The following JAK1 variants were observed in gnomAD, a reference collection of about 807,000 sequenced individuals.
The protein encoded by JAK1 is tyrosine-protein kinase JAK1.
A neutral mutation model predicts 136.6 loss-of-function variants in JAK1; 16 were observed. That is an observed-to-expected ratio of 0.12 (90% CI 0.08 to 0.18). The LOEUF (loss-of-function observed/expected upper bound fraction) is 0.18, where lower values mean the gene tolerates loss of function less well. Among genes scored for constraint, JAK1 ranks in the 10% least tolerant of loss-of-function variants. The pLI, the probability that JAK1 is intolerant of heterozygous loss-of-function variation, is 1.00. For missense variants in JAK1, 859 were observed against 1,450.1 expected, an observed-to-expected ratio of 0.59 and a Z score of 6.62; for synonymous variants, 492 against 519.5, an observed-to-expected ratio of 0.95 and a Z score of 0.72.
intron 17 of JAK1, among the ~76,000 whole-genome samples, chr1:64,842,490 G>A (rs1654968946): frequency 6.6e-6 from 1 of 152,158 alleles, no homozygotes; most frequent in Non-Finnish European, 1.5e-5. Flanking sequence ...CCAGAGGACA[G>A]GGAGGAGGGA....
At chr1:65,041,029 C>A (rs1435507649) in intron 2 of JAK1, among the ~76,000 whole-genome samples, 7 of 152,120 alleles carry the variant, frequency 4.6e-5, no homozygotes, top group Admixed American at 3.9e-4. Context: ...TGGGTATCAT[C>A]ACGGAAAAAG....
At chr1:64,950,985 A>G (rs1291114551) in intron 1 of JAK1, among the ~76,000 whole-genome samples, 1 of 152,216 alleles carries the variant, frequency 6.6e-6, no homozygotes, top group East Asian at 1.9e-4. Flanking sequence ...ACACCTCTTA[A>G]AAGTATTACA....
intron 24 of JAK1, 76 bp downstream of exon 24, chr1:64,835,319 AC>A (rs1179743822): frequency 1.1e-5 from 8 of 728,972 alleles, no homozygotes; most frequent in Non-Finnish European, 1.9e-5. Context: ...TCTCCCCTCT[AC>A]CCATTGCTGG....
intron 1 of JAK1, among the ~76,000 whole-genome samples, chr1:65,048,859 C>CA (rs1473501282): frequency 5.6e-4 from 86 of 152,344 alleles, no homozygotes; most frequent in African/African-American, 1.9e-3. Flanking sequence ...ATGGGAGCAG[C>CA]TGTACGAGGA....
rs779405769 is a variant in JAK1 at position 64,836,070 on chromosome 1, T to C, written c.3258+28A>G. On this transcript the variant is annotated intron_variant, in intron 23 of 24. Coordinates refer to ENST00000342505, the MANE Select transcript of JAK1 (RefSeq NM_002227.4). ...GGACACATTTTAAATGGGTACTGGATTCAAATGAAGAGAAAAGTAGGACTT... is the reference window on the plus strand; with the variant it reads ...GGACACATTTTAAATGGGTACTGGACTCAAATGAAGAGAAAAGTAGGACTT... 16 of 1,285,856 alleles carry C rather than the reference T, an allele frequency of 1.2e-5. No individual in the cohort carries two copies. In the East Asian group the frequency reaches 3.5e-4, roughly 28 times the overall value. 79.7% of individuals were successfully genotyped at this position (1,285,856 alleles called of 1,614,324 possible). A position where few individuals can be genotyped will look rare whatever the true frequency, so the allele number is the denominator to read the frequency against.
At chr1:64,934,534 T>A (rs570236546) in intron 1 of JAK1, among the ~76,000 whole-genome samples, 1 of 152,258 alleles carries the variant, frequency 6.6e-6, no homozygotes, top group Admixed American at 6.5e-5. Flanking sequence ...CATTACGAAA[T>A]GAGAGGGGCG....
intron 1 of JAK1, among the ~76,000 whole-genome samples, chr1:64,914,029 C>G (rs1486664586): frequency 6.6e-6 from 1 of 152,212 alleles, no homozygotes; most frequent in East Asian, 1.9e-4. Flanking sequence ...CGTGGTCAAC[C>G]CTCTAGACCA....
intron 2 of JAK1, among the ~76,000 whole-genome samples, chr1:65,006,405 T>C (rs1256650126): frequency 2.0e-5 from 3 of 152,230 alleles, no homozygotes; most frequent in African/African-American, 7.2e-5. Flanking sequence ...TTGCCCAGGC[T>C]GGAGTGCAGT....
chr1:64,940,556 A>G (rs748904583), intron 1 of JAK1, among the ~76,000 whole-genome samples: 25 of 152,046 alleles, frequency 1.6e-4, no homozygotes, highest in Non-Finnish European at 3.4e-4. Flanking sequence ...GGCTCAAGTG[A>G]TCTGCCCACC....
At chr1:64,994,615 A>C (rs905617671) in intron 2 of JAK1, among the ~76,000 whole-genome samples, 12 of 152,086 alleles carry the variant, frequency 7.9e-5, no homozygotes, top group African/African-American at 2.9e-4. Context: ...CTTGACCCAA[A>C]CACCTCTGAT....
chr1:64,895,057 C>A (rs958549647), intron 1 of JAK1, among the ~76,000 whole-genome samples: 5 of 152,234 alleles, frequency 3.3e-5, no homozygotes, highest in African/African-American at 9.6e-5. Context: ...CACTGTGCCA[C>A]CTCTCACTCC....
intron 8 of JAK1, among the ~76,000 whole-genome samples, chr1:64,863,945 G>A (rs1656527621): frequency 6.6e-6 from 1 of 152,198 alleles, no homozygotes; most frequent in Admixed American, 6.5e-5. Flanking sequence ...CCTGAACAGA[G>A]GGATATATAA....
At chr1:64,838,731 T>C (rs958090427) in intron 20 of JAK1, 142 bp from the exon 21 acceptor site, 1 of 709,112 alleles carries the variant, frequency 1.4e-6, no homozygotes, top group Non-Finnish European at 2.3e-6. Context: ...TGACCTCTTA[T>C]GCCTCAAGAT....
chr1:64,941,696 T>C (rs1247508838), intron 1 of JAK1, among the ~76,000 whole-genome samples: 3 of 152,162 alleles, frequency 2.0e-5, no homozygotes, highest in African/African-American at 7.2e-5. Flanking sequence ...GCTCAGCACA[T>C]GACATGACTA....
At chr1:64,882,410 A>T (rs310204) in intron 3 of JAK1, among the ~76,000 whole-genome samples, 6 of 152,044 alleles carry the variant, frequency 3.9e-5, no homozygotes, top group African/African-American at 1.5e-4. Context: ...ACGAGTTGAT[A>T]GAACCTTTTT....
At chr1:64,913,258 C>G (rs971079031) in intron 1 of JAK1, among the ~76,000 whole-genome samples, 5 of 152,096 alleles carry the variant, frequency 3.3e-5, no homozygotes, top group Admixed American at 6.5e-5. Context: ...ATATAATTTA[C>G]TGTACCAACT....
rs1193241286 is a variant in JAK1 at position 64,984,916 on chromosome 1, T to C, written c.-78+59564A>G. The C allele has an allele frequency of 2.6e-6, 3 of 1,174,764 alleles. No homozygotes were observed. Among genetic ancestry groups the C allele is most frequent in the African/African-American group, 3.0e-5 (2 of 66,428 alleles). The allele number at this position is 1,174,764 out of a possible 1,614,324, so 72.8% of individuals were successfully genotyped here. On this transcript the variant is annotated intron_variant, in intron 2 of 25. Transcript: ENST00000671954. This position sits in a 1 kb window ranked among gnomAD's most constrained non-coding sequence, Gnocchi z 4.1. ...ATCACAGCTGGGCCAGGGCCCTGGCTGAAGAGTTCAGCCACAATAAACCAG... is the reference window on the plus strand; with the variant it reads ...ATCACAGCTGGGCCAGGGCCCTGGCCGAAGAGTTCAGCCACAATAAACCAG...
intron 2 of JAK1, among the ~76,000 whole-genome samples, chr1:65,025,417 C>T (rs1304800894): frequency 6.6e-6 from 1 of 152,138 alleles, no homozygotes; most frequent in Non-Finnish European, 1.5e-5. Context: ...TACAGTGCTT[C>T]CCAACCACGG....
intron 1 of JAK1, among the ~76,000 whole-genome samples, chr1:64,961,416 C>T (rs1247089362): frequency 1.3e-5 from 2 of 152,116 alleles, no homozygotes; most frequent in Non-Finnish European, 2.9e-5. Flanking sequence ...CATTTGCTAA[C>T]GATGTTATTC....
Sources: gnomAD v4.1 joint callset for allele counts (sites outside exome capture counted in the v4.1 genomes callset) on GRCh38, gnomAD v4.1.1 for gene constraint, Gnocchi (gnomAD v3.1) non-coding constraint, MANE v1.5 for transcripts, NCBI Gene and HGNC (gene_info 2026-07-23, HGNC 2026-07-21) for gene names.